PICALM: variants seen among roughly 807,000 people sequenced by gnomAD.
PICALM encodes phosphatidylinositol binding clathrin assembly protein.
In PICALM, 40 loss-of-function variants were observed where a neutral mutation model predicts 80.5. That is an observed-to-expected ratio of 0.50 (90% CI 0.39 to 0.65). The LOEUF (loss-of-function observed/expected upper bound fraction) is 0.65. Among genes scored for constraint, PICALM ranks in the 30% least tolerant of loss-of-function variants. PICALM has a pLI of 0.00. For synonymous variants in PICALM, 288 were observed against 260.3 expected (o/e 1.11, Z -1.02); for missense variants, 676 against 778.9 (o/e 0.87, Z 1.57).
intron 14 of PICALM, 105 bp from the exon 15 acceptor site, chr11:85,982,108 G>T: frequency 9.9e-7 from 1 of 1,005,386 alleles, no homozygotes; most frequent in Non-Finnish European, 1.5e-6. Context: ...CACTGGAAAA[G>T]TTATCCAAAA....
chr11:85,971,376 T>C (rs1442107270), intron 19 of PICALM, among the ~76,000 whole-genome samples: 2 of 152,072 alleles, frequency 1.3e-5, no homozygotes, highest in Non-Finnish European at 2.9e-5. Flanking sequence ...TTCTGGCACT[T>C]TTCTGGTGTT....
intron 1 of PICALM, among the ~76,000 whole-genome samples, chr11:86,065,108 T>C (rs868104720): frequency 7.3e-5 from 11 of 151,686 alleles, no homozygotes; most frequent in African/African-American, 2.7e-4. Flanking sequence ...GACTAAAGAT[T>C]GTAAGATCAG....
At chr11:85,964,591 A>G (rs1260253581) in intron 19 of PICALM, among the ~76,000 whole-genome samples, 1 of 152,196 alleles carries the variant, frequency 6.6e-6, no homozygotes, top group Non-Finnish European at 1.5e-5. Flanking sequence ...CATCTTCCCT[A>G]CTACCTACCA....
Position 86,047,453 on chromosome 11 carries a change from C to A in PICALM, c.131-15842G>T, listed in dbSNP as rs1219640291. Among the ~76,000 whole-genome samples the A allele has an allele frequency of 3.3e-5, 5 of 152,222 alleles. 1 individual carries two copies. Among genetic ancestry groups the A allele is most frequent in the Admixed American group, 2.0e-4 (3 of 15,284 alleles). On this transcript the variant is annotated intron_variant, in intron 1 of 19. Transcript: ENST00000393346. ...GGGCATTGCCCATTTCCAAATGACT[C>A]AAACTGCAAGCCTTAATTTATAAGC...
intron 2 of PICALM, among the ~76,000 whole-genome samples, chr11:86,030,493 A>T (rs1260996168): frequency 6.6e-6 from 1 of 151,634 alleles, no homozygotes; most frequent in Non-Finnish European, 1.5e-5. Context: ...TAAGGCACAT[A>T]CCGAAGAAGA....
At chr11:86,012,031 A>C (rs1446274961) in intron 6 of PICALM, among the ~76,000 whole-genome samples, 1 of 152,166 alleles carries the variant, frequency 6.6e-6, no homozygotes. Flanking sequence ...TCTAAAAATT[A>C]ATAAAATGGG....
chr11:86,058,646 C>T (rs1361463628), intron 1 of PICALM, among the ~76,000 whole-genome samples: 1 of 152,192 alleles, frequency 6.6e-6, no homozygotes, highest in Non-Finnish European at 1.5e-5. Flanking sequence ...GCTACCACCA[C>T]CCTAACCTTT....
intron 4 of PICALM, among the ~76,000 whole-genome samples, chr11:86,019,871 A>G (rs2095537177): frequency 6.6e-6 from 1 of 152,226 alleles, no homozygotes; most frequent in African/African-American, 2.4e-5. Context: ...GAACACATCA[A>G]TTGCTTAGAC....
intron 3 of PICALM, among the ~76,000 whole-genome samples, 170 bp downstream of exon 3, chr11:86,026,122 A>G (rs1177218029): frequency 6.6e-6 from 1 of 152,164 alleles, no homozygotes; most frequent in Non-Finnish European, 1.5e-5. Context: ...ATCTGGTAGG[A>G]AGATTATTAT....
At chr11:86,014,300 G>A (rs2095445356) in intron 5 of PICALM, among the ~76,000 whole-genome samples, 1 of 152,116 alleles carries the variant, frequency 6.6e-6, no homozygotes, top group African/African-American at 2.4e-5. Context: ...ACAAAACATT[G>A]TTAAGATAGA....
intron 11 of PICALM, 43 bp downstream of exon 11, chr11:86,000,600 T>C (rs1165648099): frequency 1.3e-6 from 2 of 1,546,384 alleles, no homozygotes; most frequent in Non-Finnish European, 1.8e-6. Flanking sequence ...TTAGAAGTCT[T>C]TGAACCTACA....
At chr11:86,019,669 T>C (rs2095534756) in intron 4 of PICALM, among the ~76,000 whole-genome samples, 1 of 152,218 alleles carries the variant, frequency 6.6e-6, no homozygotes. Context: ...CTTAAATATA[T>C]GAAACAAAAT....
chr11:86,006,104 G>C (rs978269691), intron 8 of PICALM, among the ~76,000 whole-genome samples: 13 of 152,310 alleles, frequency 8.5e-5, no homozygotes, highest in Admixed American at 2.0e-4. Context: ...GGTAACAGGT[G>C]AATCTAAAGT....
At chr11:86,008,951 C>CAAAAAAAAAAAAAAAAAAAAAAAA (rs1565392146) in intron 7 of PICALM, among the ~76,000 whole-genome samples, 5 of 133,294 alleles carry the variant, frequency 3.8e-5, no homozygotes, top group Non-Finnish European at 6.2e-5. Flanking sequence ...AAAAAAAAAG[C>CAAAAAAAAAAAAAAAAAAAAAAAA]CAAAAAAAAA....
In PICALM at chr11:86,068,754, T is replaced by C. The variant is rs533983367; in HGVS notation, c.27A>G (p.Arg9=). 1 of 1,611,754 alleles carries C rather than the reference T, an allele frequency of 6.2e-7. No homozygotes were observed. Among genetic ancestry groups the C allele is most frequent in the African/African-American group, 1.3e-5 (1 of 74,970 alleles). ...TGACACTGTGCTGGGCGGCAGTGAT[T>C]CGGTCCGTCAGGCTCTGGCCGGACA... MSGQSLTD[R]ITAAQHSVTG... is the part of the protein sequence containing the mutation. The change falls in exon 1 of 20, where the codon CGA becomes CGG. Residue 9 remains arginine, a synonymous_variant. Transcript: ENST00000393346.
At position 86,000,756 on chromosome 11, in the gene PICALM, T is replaced by C; in HGVS notation, c.1041A>G (p.Ala347=). 1 of 1,613,102 alleles carries C rather than the reference T, an allele frequency of 6.2e-7. No individual in the cohort carries two copies. The highest frequency in any genetic ancestry group is 8.5e-7 in the Non-Finnish European group (1 of 1,179,910). The change falls in exon 11 of 20, where the codon GCA becomes GCG. Residue 347 remains alanine (A), a synonymous_variant. Coordinates refer to ENST00000393346, the MANE Select transcript of PICALM (RefSeq NM_007166.4). ...TTGTTAAAGAGGTATGAGGTTTCTTTGCAAGTTCTTTTAGGCGCTGTTCCT... is the reference window on the plus strand; with the variant it reads ...TTGTTAAAGAGGTATGAGGTTTCTTCGCAAGTTCTTTTAGGCGCTGTTCCT... ...ALKEQRLKEL[A]KKPHTSLTTA... is the part of the protein sequence containing the mutation.
intron 17 of PICALM, chr11:85,978,825 A>C (rs2094355374): frequency 2.0e-5 from 3 of 152,204 alleles, no homozygotes; most frequent in Non-Finnish European, 2.9e-5. Flanking sequence ...CTAATACTTC[A>C]TATAGATTAA....
intron 1 of PICALM, among the ~76,000 whole-genome samples, chr11:86,033,248 A>G (rs1284070231): frequency 6.7e-6 from 1 of 149,690 alleles, no homozygotes; most frequent in African/African-American, 2.5e-5. Flanking sequence ...ACAATTTAAT[A>G]CTATATAGTG....
chr11:85,970,977 A>G (rs1269334733), intron 19 of PICALM, among the ~76,000 whole-genome samples: 1 of 152,210 alleles, frequency 6.6e-6, no homozygotes. Flanking sequence ...GACTGGGTGA[A>G]AGCTGTAGAA....
Sources: allele counts gnomAD v4.1 joint callset (sites outside exome capture counted in the v4.1 genomes callset), GRCh38; gene constraint gnomAD v4.1.1; transcripts MANE v1.5; gene names NCBI Gene and HGNC (gene_info 2026-07-23, HGNC 2026-07-21).